RBFOX1: variants seen among roughly 807,000 people sequenced by gnomAD.
RBFOX1 encodes the protein RNA binding fox-1 homolog 1, also known as RNA binding protein fox-1 homolog 1.
RBFOX1 carries 8 observed loss-of-function variants against 57.7 expected under a neutral mutation model. The ratio of observed to expected loss-of-function variants is 0.14; its 90% CI spans 0.08 to 0.25. RBFOX1 has a LOEUF of 0.25. Among genes scored for constraint, RBFOX1 ranks in the 10% least tolerant of loss-of-function variants. The probability of loss-of-function intolerance (pLI) is 1.00; values close to 1 mark genes in which losing one functional copy is unlikely to be tolerated. For synonymous variants in RBFOX1, 326 were observed against 222.4 expected, an observed-to-expected ratio of 1.47 and a Z score of -4.15; for missense variants, 611 against 548.5, an observed-to-expected ratio of 1.11 and a Z score of -1.14.
intron 14 of RBFOX1, 89 bp from the exon 15 acceptor site, chr16:7,708,967 C>A (rs1332908968): frequency 8.1e-7 from 1 of 1,228,008 alleles, no homozygotes; most frequent in South Asian, 1.3e-5. Context: ...AGGGCCCCTG[C>A]ATACTGTCTT....
At chr16:7,068,936 G>A (rs151301427) in intron 4 of RBFOX1, among the ~76,000 whole-genome samples, 3 of 152,310 alleles carry the variant, frequency 2.0e-5, no homozygotes, top group East Asian at 1.9e-4. Flanking sequence ...TACTCACGAA[G>A]TGTGTCAAGT....
intron 3 of RBFOX1, among the ~76,000 whole-genome samples, chr16:6,876,335 G>C (rs146496537): frequency 1.3e-5 from 2 of 152,102 alleles, no homozygotes; most frequent in Admixed American, 6.6e-5. Flanking sequence ...ATGACTTGTT[G>C]ACTATTCCAC....
chr16:6,612,893 G>C (rs1485654829), intron 2 of RBFOX1, among the ~76,000 whole-genome samples: 1 of 149,622 alleles, frequency 6.7e-6, no homozygotes, highest in African/African-American at 2.5e-5. Flanking sequence ...GTTTGTTCCA[G>C]AGGGCTGTTT....
intron 2 of RBFOX1, among the ~76,000 whole-genome samples, chr16:6,524,801 C>T (rs542283862): frequency 4.6e-5 from 7 of 152,096 alleles, no homozygotes; most frequent in South Asian, 2.1e-4. Flanking sequence ...GTCATTGCCC[C>T]ACCTTCTTCC....
chr16:7,684,300 A>G (rs2075577816), intron 14 of RBFOX1, among the ~76,000 whole-genome samples: 1 of 152,104 alleles, frequency 6.6e-6, no homozygotes, highest in Non-Finnish European at 1.5e-5. Context: ...TTTCATATTT[A>G]ATTAACATAT....
chr16:6,736,161 T>G (rs1603479796), intron 3 of RBFOX1, among the ~76,000 whole-genome samples: 1 of 152,210 alleles, frequency 6.6e-6, no homozygotes, highest in African/African-American at 2.4e-5. Context: ...AACCAGTTTA[T>G]TTTATTTTAT....
At chr16:5,510,016 G>A (rs558744023) in intron 2 of RBFOX1, among the ~76,000 whole-genome samples, 8 of 152,272 alleles carry the variant, frequency 5.3e-5, no homozygotes, top group Admixed American at 2.0e-4. Flanking sequence ...GCTCAGCCAC[G>A]CCCTACCCCT....
intron 2 of RBFOX1, among the ~76,000 whole-genome samples, chr16:6,487,734 TATATATATATATATATATATA>T: frequency 2.0e-5 from 1 of 50,018 alleles, no homozygotes; most frequent in Non-Finnish European, 3.6e-5. Context: ...TATATATATA[TATATATATATATATATATATA>T]AAATATTATG....
intron 3 of RBFOX1, among the ~76,000 whole-genome samples, chr16:6,673,265 T>TG (rs2098779156): frequency 6.6e-6 from 1 of 152,134 alleles, no homozygotes; most frequent in African/African-American, 2.4e-5. Context: ...CTCATATCCC[T>TG]GTACGAAGTT....
At chr16:6,487,681 A>G (rs2095517099) in intron 2 of RBFOX1, among the ~76,000 whole-genome samples, 1 of 9,610 alleles carries the variant, frequency 1.0e-4, no homozygotes, top group Non-Finnish European at 2.2e-4. Flanking sequence ...TGTAAAAAAA[A>G]AAAAAAAAAA....
intron 2 of RBFOX1, among the ~76,000 whole-genome samples, chr16:6,566,644 C>A (rs760264255): frequency 6.6e-6 from 1 of 152,060 alleles, no homozygotes; most frequent in Non-Finnish European, 1.5e-5. Context: ...CATTTTGACC[C>A]CTTTACGCAC....
intron 13 of RBFOX1, among the ~76,000 whole-genome samples, chr16:7,667,489 C>T (rs1363003370): frequency 2.6e-5 from 4 of 152,122 alleles, no homozygotes; most frequent in African/African-American, 7.2e-5. Context: ...CCCCAAGCTT[C>T]GTTTTTAAAA....
chr16:5,548,158 T>TA lies in RBFOX1; in HGVS notation c.259-50727dup, dbSNP rs59117140. ...CCTGGGTGACAGAGCAAGACTCTGT[T>TA]AAAAAAAAAAAAAAAAATATATATA... is the stretch of plus-strand genomic sequence containing the variant. On this transcript the variant is annotated intron_variant, in intron 2 of 2. Transcript: ENST00000585867. Among the ~76,000 whole-genome samples the TA allele has an allele frequency of 4.5e-4, 37 of 82,458 alleles. 1 individual carries two copies. Among genetic ancestry groups the TA allele is most frequent in the African/African-American group, 5.8e-4 (12 of 20,680 alleles). The allele number at this position is 82,458 out of a possible 152,430, so 54.1% of individuals were successfully genotyped here.
intron 4 of RBFOX1, among the ~76,000 whole-genome samples, chr16:7,370,202 C>T (rs888864974): frequency 2.0e-5 from 3 of 152,130 alleles, no homozygotes; most frequent in African/African-American, 7.2e-5. Context: ...CAAACATTGC[C>T]ATTGTCCCCT....
chr16:6,770,915 G>C (rs573114598), intron 3 of RBFOX1, among the ~76,000 whole-genome samples: 1 of 152,106 alleles, frequency 6.6e-6, no homozygotes, highest in Non-Finnish European at 1.5e-5. Flanking sequence ...TTGGGTCTGA[G>C]AATTACCTCT....
At chr16:6,384,980 T>A (rs1472420111) in intron 2 of RBFOX1, among the ~76,000 whole-genome samples, 1 of 152,216 alleles carries the variant, frequency 6.6e-6, no homozygotes. Context: ...CATGTCCGAG[T>A]GGGTGTCACT....
chr16:6,848,754 T>C (rs1467219551), intron 3 of RBFOX1, among the ~76,000 whole-genome samples: 1 of 152,084 alleles, frequency 6.6e-6, no homozygotes, highest in Non-Finnish European at 1.5e-5. Flanking sequence ...ACAAGTCACA[T>C]TGCCAAGTAG....
intron 4 of RBFOX1, among the ~76,000 whole-genome samples, chr16:7,216,717 A>G (rs1288346305): frequency 1.3e-5 from 2 of 152,202 alleles, no homozygotes; most frequent in African/African-American, 4.8e-5. Flanking sequence ...AGCACAGCAC[A>G]TAGAATGTAA....
chr16:6,393,822 A>G (rs768533132), intron 2 of RBFOX1, among the ~76,000 whole-genome samples: 17 of 152,168 alleles, frequency 1.1e-4, no homozygotes, highest in Non-Finnish European at 2.4e-4. Context: ...TGTCATCTGG[A>G]TGACTGTTGA....
Sources: allele counts gnomAD v4.1 joint callset (sites outside exome capture counted in the v4.1 genomes callset), GRCh38; gene constraint gnomAD v4.1.1; transcripts MANE v1.5; gene names NCBI Gene and HGNC (gene_info 2026-07-23, HGNC 2026-07-21).